GSK3B: variants seen among roughly 807,000 people sequenced by gnomAD.
GSK3B encodes glycogen synthase kinase 3 beta.
In GSK3B, 15 loss-of-function variants were observed where a neutral mutation model predicts 56.4. The ratio of observed to expected loss-of-function variants is 0.27; its 90% CI spans 0.18 to 0.41. GSK3B has a LOEUF of 0.41. Among genes scored for constraint, GSK3B ranks in the 10% least tolerant of loss-of-function variants. The pLI is 1.00. For synonymous variants in GSK3B, 181 were observed against 188.9 expected (o/e 0.96, Z 0.34); for missense variants, 300 against 513.4 (o/e 0.58, Z 4.02).
intron 1 of GSK3B, among the ~76,000 whole-genome samples, chr3:120,049,463 G>A (rs970345264): frequency 6.6e-6 from 1 of 152,170 alleles, no homozygotes; most frequent in African/African-American, 2.4e-5. Flanking sequence ...TCCTGGGAAG[G>A]TAGCATCTGT....
intron 2 of GSK3B, among the ~76,000 whole-genome samples, chr3:119,992,902 T>C (rs576809438): frequency 7.2e-5 from 11 of 152,098 alleles, no homozygotes; most frequent in African/African-American, 2.4e-4. Context: ...CCTATGAGAT[T>C]AGCAAAAATT....
intron 1 of GSK3B, among the ~76,000 whole-genome samples, chr3:120,088,379 A>G (rs1191025441): frequency 6.6e-6 from 1 of 152,230 alleles, no homozygotes; most frequent in African/African-American, 2.4e-5. Context: ...TCTCAGGGAA[A>G]ACAAACTTCT....
intron 1 of GSK3B, among the ~76,000 whole-genome samples, chr3:120,047,416 C>T (rs567957499): frequency 1.3e-5 from 2 of 152,272 alleles, no homozygotes; most frequent in Admixed American, 6.5e-5. Flanking sequence ...CTAACATTCA[C>T]GTAACCAAAG....
intron 2 of GSK3B, among the ~76,000 whole-genome samples, chr3:119,972,165 G>A (rs1023659610): frequency 3.9e-5 from 6 of 152,092 alleles, no homozygotes; most frequent in Non-Finnish European, 8.8e-5. Context: ...TGTTATACAG[G>A]TAAGAGCTAA....
At chr3:120,075,631 G>C (rs955868393) in intron 1 of GSK3B, among the ~76,000 whole-genome samples, 2 of 152,072 alleles carry the variant, frequency 1.3e-5, no homozygotes, top group African/African-American at 4.8e-5. Context: ...AGCCCCATTT[G>C]TGTTAGTATC....
At chr3:119,967,160 C>A (rs572443390) in intron 2 of GSK3B, among the ~76,000 whole-genome samples, 2 of 152,070 alleles carry the variant, frequency 1.3e-5, no homozygotes, top group East Asian at 3.9e-4. Context: ...CTCACTGCAA[C>A]CTCCACCTCC....
intron 3 of GSK3B, among the ~76,000 whole-genome samples, chr3:119,925,587 CA>C (rs2056882374): frequency 6.6e-6 from 1 of 152,058 alleles, no homozygotes; most frequent in Non-Finnish European, 1.5e-5. Context: ...AAAGCAAAAA[CA>C]AAAATGGTCC....
chr3:120,000,563 G>T (rs1263965944), intron 2 of GSK3B, among the ~76,000 whole-genome samples: 1 of 152,002 alleles, frequency 6.6e-6, no homozygotes, highest in African/African-American at 2.4e-5. Flanking sequence ...ATAGATCTTG[G>T]TACATTGGAG....
At chr3:119,920,121 T>C (rs1461399553) in intron 4 of GSK3B, among the ~76,000 whole-genome samples, 1 of 152,228 alleles carries the variant, frequency 6.6e-6, no homozygotes, top group African/African-American at 2.4e-5. Flanking sequence ...TTGAACTATG[T>C]ATAAATATTT....
chr3:119,970,286 T>A (rs1237826139), intron 2 of GSK3B, among the ~76,000 whole-genome samples: 2 of 152,144 alleles, frequency 1.3e-5, no homozygotes, highest in African/African-American at 4.8e-5. Flanking sequence ...GGGTAAAAGA[T>A]TTGAAGAGAA....
intron 7 of GSK3B, among the ~76,000 whole-genome samples, chr3:119,899,396 G>C (rs2056603827): frequency 6.6e-6 from 1 of 152,088 alleles, no homozygotes; most frequent in Admixed American, 6.6e-5. Context: ...TAGTAGTAGT[G>C]ATGCTTACTT....
At position 120,094,232 on chromosome 3, in the gene GSK3B, C is replaced by T; in HGVS notation, c.-798G>A. On this transcript the variant is annotated 5_prime_UTR_variant, in exon 1 of 11. Coordinates refer to ENST00000264235, the MANE Select transcript of GSK3B (RefSeq NM_001146156.2). ...TTCCGTCCCTCGGGGCCCCCTCCCC[C>T]GTCCGCGGCAACAGCTCGGCCGCCC... is the stretch of plus-strand genomic sequence containing the variant. 4.4e-6 allele frequency: 1 copy of T among 225,792 alleles called. No homozygotes were observed. Among genetic ancestry groups the T allele is most frequent in the Non-Finnish European group, 8.9e-6 (1 of 112,738 alleles). 14.0% of individuals were successfully genotyped at this position (225,792 alleles called of 1,614,324 possible).
At position 119,928,444 on chromosome 3, in the gene GSK3B, A is replaced by C. The variant is rs551807926; in HGVS notation, c.367-4961T>G. 2.6e-3 allele frequency among the ~76,000 whole-genome samples: 401 copies of C among 151,950 alleles called. 3 individuals carry two copies. The highest frequency in any genetic ancestry group is 4.5e-3 in the Non-Finnish European group (307 of 67,932). ...CACGGTGAAACCCCGTCTCTACTAA[A>C]AATACAAAAAATTAGCCGGGCATGG... On this transcript the variant is annotated intron_variant, in intron 3 of 10. Transcript: ENST00000264235.
At chr3:119,844,924 C>T (rs193297557) in intron 9 of GSK3B, among the ~76,000 whole-genome samples, 82 of 152,274 alleles carry the variant, frequency 5.4e-4, no homozygotes, top group African/African-American at 1.8e-3. Flanking sequence ...AAAATACTGG[C>T]AAACCGAATC....
intron 2 of GSK3B, among the ~76,000 whole-genome samples, chr3:119,976,891 AAC>A (rs2057414063): frequency 6.6e-6 from 1 of 152,104 alleles, no homozygotes; most frequent in African/African-American, 2.4e-5. Flanking sequence ...AAACAGTATA[AAC>A]ACAAAATAAC....
chr3:120,025,783 C>T (rs914233242), intron 1 of GSK3B, among the ~76,000 whole-genome samples: 3 of 152,068 alleles, frequency 2.0e-5, no homozygotes, highest in Admixed American at 6.5e-5. Flanking sequence ...GGGACACATG[C>T]GGCAGAGAGG....
At chr3:119,904,435 T>C in intron 7 of GSK3B, among the ~76,000 whole-genome samples, 1 of 152,146 alleles carries the variant, frequency 6.6e-6, no homozygotes, top group East Asian at 1.9e-4. Flanking sequence ...AAGATGCAAA[T>C]ACCACAGTGG....
At chr3:120,037,323 A>G (rs12630829) in intron 1 of GSK3B, among the ~76,000 whole-genome samples, 37,002 of 152,078 alleles carry the variant, frequency 0.24, 4,945 homozygotes, top group East Asian at 0.48. Context: ...AAATAAAGCA[A>G]TAATTTAAAA....
intron 1 of GSK3B, among the ~76,000 whole-genome samples, chr3:120,059,458 C>T (rs1196617405): frequency 6.6e-6 from 1 of 152,220 alleles, no homozygotes; most frequent in Non-Finnish European, 1.5e-5. Flanking sequence ...TAAAAGCCTT[C>T]ACACAAAGCT....
Sources: gnomAD v4.1 joint callset for allele counts (sites outside exome capture counted in the v4.1 genomes callset) on GRCh38, gnomAD v4.1.1 for gene constraint, MANE v1.5 for transcripts, NCBI Gene and HGNC (gene_info 2026-07-23, HGNC 2026-07-21) for gene names.